Variants in ACTR3C observed in about 807,000 individuals in gnomAD.
ACTR3C encodes actin-related protein 3C.
Under a neutral mutation model 26.3 loss-of-function variants are expected in ACTR3C, and 18 were observed. The observed-to-expected ratio is 0.68, with a 90% confidence interval of 0.47 to 1.01. The LOEUF is 1.01. ACTR3C is among the 50% of genes least tolerant of loss of function. The pLI, the probability that ACTR3C is intolerant of heterozygous loss-of-function variation, is 0.00. For missense variants in ACTR3C, 184 were observed against 250.7 expected (o/e 0.73, Z 1.80); for synonymous variants, 55 against 94.5 (o/e 0.58, Z 2.42).
At chr7:149,992,801 A>G in the ACTR3C span, among the ~76,000 whole-genome samples, 4 of 152,202 alleles carry the variant, frequency 2.6e-5, no homozygotes, top group East Asian at 5.8e-4. Context: ...CATGCTCACG[A>G]GGTGAAGTCC....
At chr7:150,319,163 C>G (rs1200694857) in intron 1 of ACTR3C, among the ~76,000 whole-genome samples, 1 of 151,838 alleles carries the variant, frequency 6.6e-6, no homozygotes, top group Non-Finnish European at 1.5e-5. Flanking sequence ...TCGAGTGACT[C>G]TGAAATTTAT....
At chr7:150,105,372 G>A in the ACTR3C span, among the ~76,000 whole-genome samples, 8 of 151,994 alleles carry the variant, frequency 5.3e-5, no homozygotes, top group African/African-American at 1.2e-4. Flanking sequence ...ATAAGCCACC[G>A]CCCCCGGCCT....
rs796852488 is a variant in ACTR3C, at chr7:150,288,403, C to CTT, written c.297+1045_297+1046dup. Among the ~76,000 whole-genome samples, 14 of 129,572 alleles carry CTT rather than the reference C, an allele frequency of 1.1e-4. 2 individuals are homozygous for CTT. Among genetic ancestry groups the CTT allele is most frequent in the African/African-American group, 3.5e-4 (11 of 31,348 alleles). 85.0% of individuals were successfully genotyped at this position (129,572 alleles called of 152,430 possible). Reference sequence around the variant, plus strand: ...GGCGTCAATAACAAAAGGCTCAATTCTTTTTTTTTTTTTTCTTCTTTTTTG... The same window carrying CTT: ...GGCGTCAATAACAAAAGGCTCAATTCTTTTTTTTTTTTTTTTCTTCTTTTTTG... On this transcript the variant is annotated intron_variant, in intron 4 of 7. Coordinates refer to ENST00000683684, the MANE Select transcript of ACTR3C (RefSeq NM_001164458.2).
At chr7:150,027,250 G>A in the ACTR3C span, among the ~76,000 whole-genome samples, 1 of 152,114 alleles carries the variant, frequency 6.6e-6, no homozygotes, top group Non-Finnish European at 1.5e-5. Flanking sequence ...ACCTCGGTGT[G>A]GGGATCATTG....
the ACTR3C span, among the ~76,000 whole-genome samples, chr7:149,993,149 GGGT>G: frequency 1.3e-5 from 2 of 148,648 alleles, no homozygotes; most frequent in Non-Finnish European, 3.0e-5. Context: ...CACTGAGGAT[GGGT>G]CTTCCTCTCC....
chr7:150,258,818 T>C (rs1833421115), intron 6 of ACTR3C, among the ~76,000 whole-genome samples: 1 of 151,010 alleles, frequency 6.6e-6, no homozygotes, highest in African/African-American at 2.4e-5. Flanking sequence ...ACTCATCAAT[T>C]TGGCTCCTGC....
chr7:149,895,785 T>A, the ACTR3C span, among the ~76,000 whole-genome samples: 108 of 152,316 alleles, frequency 7.1e-4, no homozygotes, highest in African/African-American at 2.2e-3. Flanking sequence ...ATAGCCCCAC[T>A]GCACTCCAGC....
chr7:150,222,440 G>A, the ACTR3C span, among the ~76,000 whole-genome samples: 7 of 152,218 alleles, frequency 4.6e-5, no homozygotes, highest in Non-Finnish European at 1.0e-4. Context: ...AGTAGTAGGT[G>A]TTCATCAGCC....
Position 150,250,724 on chromosome 7 carries a change from G to A in ACTR3C, c.565-1670C>T, listed in dbSNP as rs574024716. Among the ~76,000 whole-genome samples, 172 of 151,962 alleles carry A rather than the reference G, an allele frequency of 1.1e-3. 1 individual carries two copies. The highest frequency in any genetic ancestry group is 3.5e-3 in the African/African-American group (146 of 41,238). ...AAGAGGGATCTTTAGGATGGCTCCC[G>A]GAAGTTTGGCTTCAGTGGCCACTAA... On this transcript the variant is annotated intron_variant, in intron 6 of 7. Coordinates refer to ENST00000683684, the MANE Select transcript of ACTR3C (RefSeq NM_001164458.2).
At chr7:150,087,201 A>AAG in the ACTR3C span, among the ~76,000 whole-genome samples, 7 of 140,380 alleles carry the variant, frequency 5.0e-5, no homozygotes, top group East Asian at 2.1e-4. Context: ...AAAAAAAAAA[A>AAG]AAAGAAACTT....
intron 6 of ACTR3C, among the ~76,000 whole-genome samples, chr7:150,257,558 T>A (rs906381295): frequency 8.6e-5 from 13 of 151,828 alleles, no homozygotes; most frequent in Admixed American, 2.0e-4. Context: ...ACCCAAAGAG[T>A]TGAATGAATT....
intron 6 of ACTR3C, among the ~76,000 whole-genome samples, chr7:150,280,109 T>C (rs2530927): frequency 2.0e-4 from 30 of 152,284 alleles, no homozygotes; most frequent in Non-Finnish European, 3.4e-4. Context: ...TGATGGCGGT[T>C]CTCAGGTTAG....
the ACTR3C span, among the ~76,000 whole-genome samples, chr7:150,192,754 G>C: frequency 1.2e-3 from 189 of 152,298 alleles, no homozygotes; most frequent in Non-Finnish European, 2.3e-3. Context: ...ACGTGGTGAT[G>C]GTCTTATGAT....
the ACTR3C span, among the ~76,000 whole-genome samples, chr7:149,944,445 C>A: frequency 6.6e-6 from 1 of 152,016 alleles, no homozygotes; most frequent in South Asian, 2.1e-4. Flanking sequence ...AAACTCAACA[C>A]AAGAATACCA....
the ACTR3C span, among the ~76,000 whole-genome samples, chr7:149,965,307 G>A: frequency 9.2e-3 from 945 of 102,608 alleles, 24 homozygotes; most frequent in African/African-American, 0.034. Flanking sequence ...GATGTAATTA[G>A]TAAGAGAAAA....
the ACTR3C span, among the ~76,000 whole-genome samples, chr7:149,906,287 G>A: frequency 2.6e-5 from 4 of 151,682 alleles, no homozygotes; most frequent in Admixed American, 2.6e-4. Context: ...AAAGAAGAGA[G>A]GGCTGATACT....
At chr7:150,171,576 A>G in the ACTR3C span, among the ~76,000 whole-genome samples, 51 of 150,688 alleles carry the variant, frequency 3.4e-4, 5 homozygotes, top group African/African-American at 1.3e-3. Flanking sequence ...TTAAGAAACT[A>G]GAAAAAGAAA....
At chr7:150,198,726 G>C in the ACTR3C span, among the ~76,000 whole-genome samples, 1 of 146,744 alleles carries the variant, frequency 6.8e-6, no homozygotes, top group Non-Finnish European at 1.5e-5. Context: ...GTCTCCGCCC[G>C]GCAGCCACCC....
At chr7:150,282,851 G>A (rs1308170709) in intron 6 of ACTR3C, among the ~76,000 whole-genome samples, 2 of 146,278 alleles carry the variant, frequency 1.4e-5, no homozygotes, top group East Asian at 1.9e-4. Flanking sequence ...ACTCCAGCAC[G>A]GGCAACAAAA....
Sources: allele counts gnomAD v4.1 joint callset (sites outside exome capture counted in the v4.1 genomes callset), GRCh38; gene constraint gnomAD v4.1.1; transcripts MANE v1.5; gene names NCBI Gene and HGNC (gene_info 2026-07-23, HGNC 2026-07-21).